SLC25A21: variants seen among roughly 807,000 people sequenced by gnomAD.
SLC25A21 encodes the protein solute carrier family 25 member 21.
In SLC25A21, 47 loss-of-function variants were observed where a neutral mutation model predicts 43.8. The observed-to-expected ratio is 1.07, with a 90% CI of 0.85 to 1.37. The LOEUF (loss-of-function observed/expected upper bound fraction) is 1.37, where lower values mean the gene tolerates loss of function less well. Among genes scored for constraint, SLC25A21 ranks in the 40% most tolerant of loss-of-function variants. The pLI, the probability that SLC25A21 is intolerant of heterozygous loss-of-function variation, is 0.00. For missense variants in SLC25A21, 352 were observed against 350.2 expected (o/e 1.00, Z -0.04); for synonymous variants, 131 against 121.3 (o/e 1.08, Z -0.52).
chr14:36,966,807 T>C (rs937439134), intron 1 of SLC25A21, among the ~76,000 whole-genome samples: 7 of 152,290 alleles, frequency 4.6e-5, no homozygotes, highest in East Asian at 3.9e-4. Flanking sequence ...GTTGGGGAAC[T>C]TGGGGAACCA....
At chr14:36,965,204 G>A (rs1046123700) in intron 1 of SLC25A21, among the ~76,000 whole-genome samples, 3 of 152,068 alleles carry the variant, frequency 2.0e-5, no homozygotes, top group Admixed American at 6.6e-5. Flanking sequence ...CTGACCTACA[G>A]AGTAGACTTA....
At chr14:37,161,786 C>T (rs1963945406) in intron 1 of SLC25A21, among the ~76,000 whole-genome samples, 1 of 151,514 alleles carries the variant, frequency 6.6e-6, no homozygotes, top group Admixed American at 6.6e-5. Flanking sequence ...TGGTGAAACC[C>T]CGTCTCTACT....
intron 1 of SLC25A21, among the ~76,000 whole-genome samples, chr14:36,896,337 G>A (rs1891237883): frequency 6.6e-6 from 1 of 152,138 alleles, no homozygotes; most frequent in Non-Finnish European, 1.5e-5. Context: ...TTTAAAGTCT[G>A]TTTTGTCAGA....
chr14:37,017,472 A>G (rs1371133943), intron 1 of SLC25A21, among the ~76,000 whole-genome samples: 2 of 152,130 alleles, frequency 1.3e-5, no homozygotes, highest in Non-Finnish European at 2.9e-5. Context: ...TACTGATCAT[A>G]GAACATCATA....
intron 6 of SLC25A21, among the ~76,000 whole-genome samples, chr14:36,714,038 C>T (rs915300235): frequency 6.6e-6 from 1 of 152,136 alleles, no homozygotes; most frequent in African/African-American, 2.4e-5. Flanking sequence ...AAAAATCTTC[C>T]TCACAGGATT....
In SLC25A21 at chr14:37,137,244, G is replaced by A. The variant is rs184164346; in HGVS notation, c.70+35037C>T. Among the ~76,000 whole-genome samples, 24 of 152,214 alleles carry A rather than the reference G, an allele frequency of 1.6e-4. No homozygotes were observed. In the East Asian group the frequency reaches 3.7e-3, roughly 23 times the overall value. Reference sequence around the variant, plus strand: ...AATCTCCTGACCTCGTGATCCGCCCGCCTCGGCCTCCTAAAGTGCTGGGAT... The same window carrying A: ...AATCTCCTGACCTCGTGATCCGCCCACCTCGGCCTCCTAAAGTGCTGGGAT... On this transcript the variant is annotated intron_variant, in intron 1 of 9. Transcript: ENST00000331299.
intron 1 of SLC25A21, among the ~76,000 whole-genome samples, chr14:36,994,700 AAGC>A (rs1400826054): frequency 6.6e-6 from 1 of 152,132 alleles, no homozygotes; most frequent in East Asian, 1.9e-4. Flanking sequence ...AACTGACCCT[AAGC>A]AGCACCCAGA....
intron 2 of SLC25A21, among the ~76,000 whole-genome samples, chr14:36,816,912 T>C (rs1321199241): frequency 2.0e-5 from 3 of 151,828 alleles, no homozygotes; most frequent in Non-Finnish European, 4.4e-5. Flanking sequence ...ATATTCATTG[T>C]AGAGTATAAA....
At chr14:36,838,262 T>A (rs1889275723) in intron 2 of SLC25A21, among the ~76,000 whole-genome samples, 2 of 152,184 alleles carry the variant, frequency 1.3e-5, no homozygotes, top group African/African-American at 4.8e-5. Context: ...AGGGGTCACA[T>A]GTCTGTACAT....
At chr14:36,696,024 G>A (rs1169353221) in intron 7 of SLC25A21, among the ~76,000 whole-genome samples, 2 of 152,130 alleles carry the variant, frequency 1.3e-5, no homozygotes, top group East Asian at 1.9e-4. Context: ...TGCCCATTCA[G>A]TATGATATTG....
In SLC25A21 at chr14:36,987,910, C is replaced by T. The variant is rs183635758; in HGVS notation, c.71-112906G>A. Among the ~76,000 whole-genome samples the T allele has an allele frequency of 3.1e-3, 476 of 152,286 alleles. 1 individual carries two copies. The highest frequency in any genetic ancestry group is 0.01 in the African/African-American group (422 of 41,564). ...CCTTACCATGGTTCTTTCATATGGG[C>T]TTGGCCATTCTCAAGTATTGCTTTT... On this transcript the variant is annotated intron_variant, in intron 1 of 9. Coordinates refer to ENST00000331299, the MANE Select transcript of SLC25A21 (RefSeq NM_030631.4).
rs200479311 is a variant in SLC25A21, at chr14:37,154,471, C to A, written c.70+17810G>T. Among the ~76,000 whole-genome samples, 860 of 117,650 alleles carry A rather than the reference C, an allele frequency of 7.3e-3. 8 individuals are homozygous for A. Among genetic ancestry groups the A allele is most frequent in the African/African-American group, 0.027 (827 of 30,452 alleles). The allele number at this position is 117,650 out of a possible 152,430, so 77.2% of individuals were successfully genotyped here. A position where few individuals can be genotyped will look rare whatever the true frequency, so the allele number is the denominator to read the frequency against. ...AGACACAGGAAACATAAAAAAAAAT[C>A]AATGAAATATGACTCTCCAAAGGAA... On this transcript the variant is annotated intron_variant, in intron 1 of 9. Transcript: ENST00000331299.
intron 1 of SLC25A21, among the ~76,000 whole-genome samples, chr14:37,122,189 CTT>C (rs1485346439): frequency 2.0e-5 from 3 of 152,190 alleles, no homozygotes; most frequent in Non-Finnish European, 4.4e-5. Flanking sequence ...ACCAAACACA[CTT>C]TGGAAAATAT....
At chr14:36,924,830 T>C (rs1326451782) in intron 1 of SLC25A21, among the ~76,000 whole-genome samples, 1 of 152,120 alleles carries the variant, frequency 6.6e-6, no homozygotes, top group Non-Finnish European at 1.5e-5. Context: ...AATCTAGGGA[T>C]GGTTTGAGTA....
chr14:36,912,301 C>A (rs2138613218), intron 1 of SLC25A21, among the ~76,000 whole-genome samples: 1 of 152,286 alleles, frequency 6.6e-6, no homozygotes, highest in Middle Eastern at 3.4e-3. Flanking sequence ...TCTCCACGGC[C>A]ACCAGATATG....
Position 36,678,495 on chromosome 14 carries a change from A to C in SLC25A21, c.*2163T>G. On this transcript the variant is annotated 3_prime_UTR_variant, in exon 10 of 10. Transcript: ENST00000331299. Reference sequence around the variant, plus strand: ...TCTGGAGTTCCCAGTCTGGTGAGAAAATAGACTATAAACTGAATGGAACAA... The same window carrying C: ...TCTGGAGTTCCCAGTCTGGTGAGAACATAGACTATAAACTGAATGGAACAA... The C allele has an allele frequency of 2.0e-6, 3 of 1,537,014 alleles. No homozygotes were observed. Among genetic ancestry groups the C allele is most frequent in the Non-Finnish European group, 2.6e-6 (3 of 1,146,750 alleles).
intron 6 of SLC25A21, among the ~76,000 whole-genome samples, chr14:36,721,117 C>T (rs1326470969): frequency 1.3e-5 from 2 of 152,178 alleles, no homozygotes; most frequent in East Asian, 1.9e-4. Flanking sequence ...AAATAGTTAT[C>T]ATTGGTTGAA....
chr14:36,734,397 A>G (rs1466520108), intron 4 of SLC25A21, 110 bp downstream of exon 4: 1 of 679,340 alleles, frequency 1.5e-6, no homozygotes, highest in African/African-American at 2.2e-5. Flanking sequence ...TTTCTGCATT[A>G]AAATTTTTAG....
chr14:36,958,606 G>C (rs1208190882), intron 1 of SLC25A21, among the ~76,000 whole-genome samples: 1 of 152,036 alleles, frequency 6.6e-6, no homozygotes, highest in Admixed American at 6.6e-5. Flanking sequence ...CCAGATATGG[G>C]AGACTGGCAA....
Sources: gnomAD v4.1 joint callset for allele counts (sites outside exome capture counted in the v4.1 genomes callset) on GRCh38, gnomAD v4.1.1 for gene constraint, MANE v1.5 for transcripts, NCBI Gene and HGNC (gene_info 2026-07-23, HGNC 2026-07-21) for gene names.